The following COL19A1 variants were observed in gnomAD, a reference collection of about 807,000 sequenced individuals.
COL19A1 encodes collagen type XIX alpha 1 chain, also known as collagen alpha-1(XIX) chain.
A neutral mutation model predicts 190.2 loss-of-function variants in COL19A1; 159 were observed. That is an observed-to-expected ratio of 0.84 (90% confidence interval 0.73 to 0.95). COL19A1 has a LOEUF of 0.95. Among genes scored for constraint, COL19A1 ranks in the 40% least tolerant of loss-of-function variants. COL19A1 has a pLI of 0.00. For synonymous variants in COL19A1, 509 were observed against 458.9 expected (o/e 1.11, Z -1.39); for missense variants, 1,418 against 1,431.9 (o/e 0.99, Z 0.16).
chr6:70,177,182 A>G (rs886582883), intron 42 of COL19A1, among the ~76,000 whole-genome samples: 4 of 152,162 alleles, frequency 2.6e-5, no homozygotes, highest in Admixed American at 2.6e-4. Flanking sequence ...ATCTTCATTC[A>G]TGATGCTCTA....
chr6:70,154,411 A>G (rs573801099), intron 31 of COL19A1, among the ~76,000 whole-genome samples: 12 of 152,242 alleles, frequency 7.9e-5, no homozygotes, highest in East Asian at 5.8e-4. Context: ...CAGTGCTGCA[A>G]TAAACATACG....
intron 11 of COL19A1, among the ~76,000 whole-genome samples, chr6:69,992,191 G>A (rs545887174): frequency 6.2e-4 from 94 of 152,078 alleles, no homozygotes; most frequent in African/African-American, 2.1e-3. Flanking sequence ...AAGCCTTGTC[G>A]AAAATCAGAT....
chr6:69,881,973 A>G (rs1252704806), intron 2 of COL19A1, among the ~76,000 whole-genome samples: 1 of 152,160 alleles, frequency 6.6e-6, no homozygotes, highest in Non-Finnish European at 1.5e-5. Context: ...TAGTTTCCTC[A>G]TGTGCAGACC....
chr6:70,137,840 G>A (rs538615382), intron 19 of COL19A1, 93 bp downstream of exon 19: 2 of 1,191,658 alleles, frequency 1.7e-6, no homozygotes, highest in South Asian at 1.3e-5. Flanking sequence ...ACGTGCCTTG[G>A]TTGATCCTGT....
intron 9 of COL19A1, among the ~76,000 whole-genome samples, chr6:69,955,719 A>T (rs1774381956): frequency 6.6e-6 from 1 of 151,996 alleles, no homozygotes; most frequent in African/African-American, 2.4e-5. Context: ...TAGTATTAAG[A>T]GACTCCAAAC....
intron 16 of COL19A1, among the ~76,000 whole-genome samples, chr6:70,112,083 T>C (rs1784316875): frequency 6.6e-6 from 1 of 152,162 alleles, no homozygotes; most frequent in Non-Finnish European, 1.5e-5. Flanking sequence ...AAATGGAAAC[T>C]CAAAGCATTC....
At chr6:70,153,574 T>C (rs553156427) in intron 31 of COL19A1, among the ~76,000 whole-genome samples, 11 of 152,294 alleles carry the variant, frequency 7.2e-5, no homozygotes, top group African/African-American at 2.6e-4. Context: ...ATGTTTATCA[T>C]AATGATTATC....
At chr6:69,973,033 A>G (rs78251699) in intron 11 of COL19A1, among the ~76,000 whole-genome samples, 3,546 of 152,278 alleles carry the variant, frequency 0.023, 137 homozygotes, top group African/African-American at 0.079. Flanking sequence ...TAAATATGAA[A>G]GTTTGGGGTC....
chr6:70,190,201 C>T, intron 47 of COL19A1, 114 bp from the exon 48 acceptor site: 1 of 762,482 alleles, frequency 1.3e-6, no homozygotes, highest in South Asian at 1.7e-5. Flanking sequence ...AAGCATTTTT[C>T]TTGATAAATG....
intron 17 of COL19A1, among the ~76,000 whole-genome samples, chr6:70,125,729 TTCTC>T (rs1460907760): frequency 6.6e-6 from 1 of 152,138 alleles, no homozygotes; most frequent in Non-Finnish European, 1.5e-5. Flanking sequence ...AAAGGTAGAT[TTCTC>T]TCTCTATCAC....
At chr6:70,150,906 A>G (rs1787016784) in intron 30 of COL19A1, among the ~76,000 whole-genome samples, 1 of 152,168 alleles carries the variant, frequency 6.6e-6, no homozygotes, top group South Asian at 2.1e-4. Context: ...AAGTTCCTTC[A>G]GTGTTTGTCT....
chr6:70,126,077 G>A (rs868826419), intron 17 of COL19A1, among the ~76,000 whole-genome samples: 2 of 151,460 alleles, frequency 1.3e-5, no homozygotes, highest in South Asian at 2.1e-4. Context: ...CACCACACTC[G>A]GTCTCAGCTG....
chr6:70,179,355 G>A (rs1246990117), intron 42 of COL19A1, among the ~76,000 whole-genome samples: 2 of 152,102 alleles, frequency 1.3e-5, no homozygotes, highest in South Asian at 2.1e-4. Flanking sequence ...TAGACCAAGG[G>A]ACAGGAGGTG....
intron 11 of COL19A1, among the ~76,000 whole-genome samples, chr6:69,972,829 T>C (rs1775508176): frequency 1.3e-5 from 2 of 152,218 alleles, no homozygotes; most frequent in Non-Finnish European, 2.9e-5. Context: ...TAAAATAAAA[T>C]ACAGTTCTTT....
At position 70,149,717 on chromosome 6, in the gene COL19A1, C is replaced by T; in HGVS notation, c.1907C>T (p.Pro636Leu). Reference protein sequence around the residue: ...GIPGRTGAQGPAGEPGIQGPR... With the variant: ...GIPGRTGAQGLAGEPGIQGPR... ...ATTTGTACTCAGGGCGCCCAAGGAC[C>T]AGCTGGAGAGCCAGGTATTCAGGTA... is the stretch of plus-strand genomic sequence containing the variant. The change falls in exon 28 of 51, where the codon CCA becomes CTA. Residue 636 changes from proline (P) to leucine (L), a missense_variant. Coordinates refer to ENST00000620364, the MANE Select transcript of COL19A1 (RefSeq NM_001858.6). The T allele has an allele frequency of 6.2e-7, 1 of 1,613,506 alleles. No homozygotes were observed. Among genetic ancestry groups the T allele is most frequent in the South Asian group, 1.1e-5 (1 of 91,052 alleles).
chr6:70,158,402 T>C (rs1787572262), intron 34 of COL19A1, among the ~76,000 whole-genome samples: 1 of 152,092 alleles, frequency 6.6e-6, no homozygotes, highest in East Asian at 1.9e-4. Context: ...AAATGTCTAT[T>C]GTACTCTAAG....
intron 2 of COL19A1, among the ~76,000 whole-genome samples, chr6:69,884,727 T>C (rs968116895): frequency 6.6e-6 from 1 of 152,168 alleles, no homozygotes; most frequent in Non-Finnish European, 1.5e-5. Flanking sequence ...GTTCTTAGGT[T>C]CTCAGGATTC....
At chr6:70,057,912 T>C (rs913742587) in intron 14 of COL19A1, among the ~76,000 whole-genome samples, 1 of 152,044 alleles carries the variant, frequency 6.6e-6, no homozygotes, top group African/African-American at 2.4e-5. Flanking sequence ...CGACACCTAC[T>C]AACTGCAAGG....
intron 16 of COL19A1, among the ~76,000 whole-genome samples, chr6:70,115,805 G>GT (rs200638517): frequency 7.3e-6 from 1 of 137,236 alleles, no homozygotes; most frequent in Admixed American, 7.3e-5. Context: ...TGTTTTTTTT[G>GT]TTTTGTTTTT....
Sources: allele counts gnomAD v4.1 joint callset (sites outside exome capture counted in the v4.1 genomes callset), GRCh38; gene constraint gnomAD v4.1.1; transcripts MANE v1.5; gene names NCBI Gene and HGNC (gene_info 2026-07-23, HGNC 2026-07-21).